DISP1: variants seen among roughly 807,000 people sequenced by gnomAD.
The protein encoded by DISP1 is dispatched RND transporter family member 1.
DISP1 carries 30 observed loss-of-function variants against 37.3 expected under a neutral mutation model. The ratio of observed to expected loss-of-function variants is 0.80; its 90% CI spans 0.60 to 1.09. The LOEUF (loss-of-function observed/expected upper bound fraction) is 1.09, where lower values mean the gene tolerates loss of function less well. Ranked by LOEUF, DISP1 falls within the 50% of genes least tolerant of loss-of-function variation. The pLI is 0.00. For synonymous variants in DISP1, 634 were observed against 690.2 expected, an observed-to-expected ratio of 0.92 and a Z score of 1.28; for missense variants, 1,598 against 1,879.5, an observed-to-expected ratio of 0.85 and a Z score of 2.77.
At chr1:222,952,336 G>A (rs1260820654) in intron 3 of DISP1, among the ~76,000 whole-genome samples, 1 of 152,194 alleles carries the variant, frequency 6.6e-6, no homozygotes, top group African/African-American at 2.4e-5. Flanking sequence ...ATTGCAGAGA[G>A]TTTTATTGAA....
intron 1 of DISP1, among the ~76,000 whole-genome samples, chr1:222,865,406 A>G (rs1387225029): frequency 6.6e-6 from 1 of 152,168 alleles, no homozygotes; most frequent in Admixed American, 6.5e-5. Flanking sequence ...CCCTGTATAG[A>G]AACATTTAAG....
Position 222,991,650 on chromosome 1 carries a change from A to T in DISP1, c.791+3A>T. 6.2e-7 allele frequency: 1 copy of T among 1,611,790 alleles called. No individual in the cohort carries two copies. Among genetic ancestry groups the T allele is most frequent in the Non-Finnish European group, 8.5e-7 (1 of 1,178,430 alleles). ...TATGCAGATGAACAAGCCAAAAGGT[A>T]ATCAATTATTTATTTTTATATAACT... is the stretch of plus-strand genomic sequence containing the variant. On this transcript the variant is annotated splice_donor_region_variant and intron_variant, in intron 6 of 8. Transcript: ENST00000675850.
At chr1:222,965,202 T>A (rs1676386415) in intron 3 of DISP1, among the ~76,000 whole-genome samples, 1 of 152,196 alleles carries the variant, frequency 6.6e-6, no homozygotes, top group Non-Finnish European at 1.5e-5. Context: ...TTTAACTATG[T>A]GGCTTTGGGT....
intron 2 of DISP1, among the ~76,000 whole-genome samples, chr1:222,934,755 G>C (rs1233445718): frequency 6.6e-6 from 1 of 152,042 alleles, no homozygotes. Context: ...ATGTATCTCA[G>C]TTAACTAGGC....
chr1:222,908,487 C>A (rs1672036480), intron 1 of DISP1, among the ~76,000 whole-genome samples: 1 of 152,174 alleles, frequency 6.6e-6, no homozygotes, highest in Admixed American at 6.5e-5. Flanking sequence ...CTCACTGCAA[C>A]CTCTGCCTCC....
chr1:222,842,198 T>A (rs1388088043), intron 1 of DISP1, among the ~76,000 whole-genome samples: 2 of 152,048 alleles, frequency 1.3e-5, no homozygotes, highest in South Asian at 2.1e-4. Context: ...AGCTCTTTTT[T>A]AAAGCCTTTT....
intron 1 of DISP1, among the ~76,000 whole-genome samples, chr1:222,839,773 A>C (rs1279408471): frequency 4.6e-5 from 7 of 152,054 alleles, no homozygotes; most frequent in Non-Finnish European, 1.0e-4. Flanking sequence ...TCTCTACTAA[A>C]ATACAAAAAA....
intron 1 of DISP1, among the ~76,000 whole-genome samples, chr1:222,860,154 T>C (rs1168775170): frequency 6.6e-6 from 1 of 152,226 alleles, no homozygotes; most frequent in Non-Finnish European, 1.5e-5. Context: ...CCTCCCAGAT[T>C]CAAGTGATTC....
chr1:222,874,497 G>A (rs1385002507), intron 1 of DISP1, among the ~76,000 whole-genome samples: 5 of 151,786 alleles, frequency 3.3e-5, no homozygotes, highest in Admixed American at 1.3e-4. Context: ...TTCACACTTC[G>A]TTTCATTCAT....
At chr1:222,922,954 G>A (rs1672888330) in intron 1 of DISP1, among the ~76,000 whole-genome samples, 1 of 152,090 alleles carries the variant, frequency 6.6e-6, no homozygotes, top group Admixed American at 6.6e-5. Flanking sequence ...AATGAATATT[G>A]AGAAAGGACC....
At chr1:222,909,331 A>G (rs966519708) in intron 1 of DISP1, among the ~76,000 whole-genome samples, 5 of 152,230 alleles carry the variant, frequency 3.3e-5, no homozygotes, top group Non-Finnish European at 7.3e-5. Flanking sequence ...AAAGCTCATT[A>G]TGAATAACCC....
chr1:222,857,901 G>A (rs1041508812), intron 1 of DISP1, among the ~76,000 whole-genome samples: 4 of 152,122 alleles, frequency 2.6e-5, no homozygotes, highest in Non-Finnish European at 5.9e-5. Context: ...AACAACCATT[G>A]ATATTCTTCA....
intron 1 of DISP1, among the ~76,000 whole-genome samples, chr1:222,904,108 A>G (rs1189109213): frequency 6.6e-6 from 1 of 152,226 alleles, no homozygotes; most frequent in Non-Finnish European, 1.5e-5. Flanking sequence ...GGATGAAGCT[A>G]GTAAGTTATT....
intron 1 of DISP1, among the ~76,000 whole-genome samples, chr1:222,892,460 T>C (rs1475469488): frequency 6.6e-6 from 1 of 152,228 alleles, no homozygotes; most frequent in Non-Finnish European, 1.5e-5. Context: ...CAGTGAGTGG[T>C]GTCCCGAGAA....
chr1:222,843,298 CTT>C (rs1667714056), intron 1 of DISP1, among the ~76,000 whole-genome samples: 1 of 151,898 alleles, frequency 6.6e-6, no homozygotes, highest in South Asian at 2.1e-4. Flanking sequence ...ATAACAGTGA[CTT>C]GTAATTAGTT....
At chr1:222,916,595 C>T (rs572393036) in intron 1 of DISP1, among the ~76,000 whole-genome samples, 1 of 152,196 alleles carries the variant, frequency 6.6e-6, no homozygotes, top group South Asian at 2.1e-4. Context: ...CTTTTGCCTT[C>T]TATGACTTAA....
At chr1:222,951,468 T>C (rs74345281) in intron 3 of DISP1, among the ~76,000 whole-genome samples, 2 of 151,426 alleles carry the variant, frequency 1.3e-5, no homozygotes, top group South Asian at 2.1e-4. Context: ...TACCATGACA[T>C]CCTTTCCCCT....
At chr1:222,894,408 C>T (rs1376005390) in intron 1 of DISP1, among the ~76,000 whole-genome samples, 1 of 152,230 alleles carries the variant, frequency 6.6e-6, no homozygotes, top group Non-Finnish European at 1.5e-5. Flanking sequence ...CTTGTAGGCA[C>T]CCAAAGTCCA....
chr1:222,854,011 A>G (rs1283930516), intron 1 of DISP1, among the ~76,000 whole-genome samples: 1 of 152,188 alleles, frequency 6.6e-6, no homozygotes, highest in Non-Finnish European at 1.5e-5. Context: ...ATCTACAATT[A>G]TTTTTTGTCA....
Sources: allele counts gnomAD v4.1 joint callset (sites outside exome capture counted in the v4.1 genomes callset), GRCh38; gene constraint gnomAD v4.1.1; transcripts MANE v1.5; gene names NCBI Gene and HGNC (gene_info 2026-07-23, HGNC 2026-07-21).